CCDC91: variants seen among roughly 807,000 people sequenced by gnomAD.
CCDC91 encodes coiled-coil domain-containing protein 91.
Under a neutral mutation model 63.2 loss-of-function variants are expected in CCDC91, and 48 were observed. The observed-to-expected ratio is 0.76, with a 90% confidence interval of 0.60 to 0.97. The LOEUF is 0.97. CCDC91 is among the 50% of genes least tolerant of loss of function. The pLI, the probability that CCDC91 is intolerant of heterozygous loss-of-function variation, is 0.00. For missense variants in CCDC91, 500 were observed against 494.6 expected (o/e 1.01, Z -0.10); for synonymous variants, 167 against 165.8 (o/e 1.01, Z -0.06).
chr12:28,521,498 T>C (rs192180955), intron 12 of CCDC91, among the ~76,000 whole-genome samples: 2 of 152,316 alleles, frequency 1.3e-5, no homozygotes, highest in East Asian at 3.9e-4. Context: ...TTTCTAGATA[T>C]ACAATCATGT....
chr12:28,338,270 T>TC lies in CCDC91; in HGVS notation c.577-24167dup, dbSNP rs398019022. The stretch of plus-strand genomic sequence containing the variant: ...GGCCCTTATGGATCTTTTTTTTTTT[T>TC]CTTATGTACTTATCACAGACTTTCC... On this transcript the variant is annotated intron_variant, in intron 6 of 12. Coordinates refer to ENST00000536442, the MANE Select transcript of CCDC91 (RefSeq NM_018318.5). Among the ~76,000 whole-genome samples, 6 of 148,776 alleles carry TC rather than the reference T, an allele frequency of 4.0e-5. 1 individual carries two copies. In the South Asian group the frequency reaches 1.0e-3, roughly 26 times the overall value.
chr12:28,315,153 GTATATA>G (rs10630087), intron 6 of CCDC91, among the ~76,000 whole-genome samples: 25 of 147,996 alleles, frequency 1.7e-4, no homozygotes, highest in Non-Finnish European at 3.1e-4. Context: ...TGTGTCAGTT[GTATATA>G]TATATATATA....
chr12:28,527,464 G>T (rs1362528690), intron 12 of CCDC91, among the ~76,000 whole-genome samples: 1 of 152,248 alleles, frequency 6.6e-6, no homozygotes, highest in Non-Finnish European at 1.5e-5. Context: ...CCATCTTTGG[G>T]TCTCTCAGCC....
At chr12:28,212,992 T>A (rs73263429) in intron 1 of CCDC91, among the ~76,000 whole-genome samples, 8,478 of 152,240 alleles carry the variant, frequency 0.056, 684 homozygotes, top group African/African-American at 0.18. Context: ...GTGAGTTTAT[T>A]GATTGGGAAG....
chr12:28,432,134 T>C (rs1289392728), intron 8 of CCDC91, among the ~76,000 whole-genome samples: 2 of 152,116 alleles, frequency 1.3e-5, no homozygotes, highest in African/African-American at 2.4e-5. Flanking sequence ...TGTGCAGGTT[T>C]GTTACATAGG....
At chr12:28,335,680 ACAGGCAGGAGCCACCACACCTGTCCT>A (rs1328982812) in intron 6 of CCDC91, among the ~76,000 whole-genome samples, 2 of 151,948 alleles carry the variant, frequency 1.3e-5, no homozygotes, top group Non-Finnish European at 2.9e-5. Context: ...GTACTGGATT[ACAGGCAGGAGCCACCACACCTGTCCT>A]CAGGATTTTA....
At chr12:28,502,996 G>A (rs1023200223) in intron 12 of CCDC91, among the ~76,000 whole-genome samples, 6 of 151,962 alleles carry the variant, frequency 3.9e-5, no homozygotes, top group African/African-American at 9.7e-5. Context: ...GAAAACCTAG[G>A]CAATACCATT....
chr12:28,365,067 G>C (rs1193074083), intron 7 of CCDC91, among the ~76,000 whole-genome samples: 4 of 152,068 alleles, frequency 2.6e-5, no homozygotes, highest in African/African-American at 9.7e-5. Context: ...ACTATAAACT[G>C]ACTGTGAGCT....
At chr12:28,520,529 C>T (rs1030914765) in intron 12 of CCDC91, among the ~76,000 whole-genome samples, 1 of 152,132 alleles carries the variant, frequency 6.6e-6, no homozygotes, top group South Asian at 2.1e-4. Context: ...GTTGCCTGTT[C>T]ACTCTGATGG....
At chr12:28,201,033 G>A (rs562057642) in intron 1 of CCDC91, among the ~76,000 whole-genome samples, 4 of 140,192 alleles carry the variant, frequency 2.9e-5, no homozygotes, top group East Asian at 4.2e-4. Context: ...CGGATGGGGC[G>A]GCTGGCCGGG....
chr12:28,502,286 T>C (rs1256210947), intron 12 of CCDC91, among the ~76,000 whole-genome samples: 1 of 151,776 alleles, frequency 6.6e-6, no homozygotes, highest in Non-Finnish European at 1.5e-5. Flanking sequence ...TATACACCAA[T>C]AACAGACAAA....
chr12:28,322,288 G>T (rs1940582957), intron 6 of CCDC91, among the ~76,000 whole-genome samples: 1 of 151,858 alleles, frequency 6.6e-6, no homozygotes, highest in South Asian at 2.1e-4. Flanking sequence ...AGAATCTGAA[G>T]AAAAGCACCC....
rs545130568 is a variant in CCDC91 at position 28,240,925 on chromosome 12, T to C, written c.-14-16277T>C. ...GCCCTTATAGGAGGTATATATTTAA[T>C]TCTTAAAGAAACTGAACAACTGTTT... On this transcript the variant is annotated intron_variant, in intron 1 of 12. Coordinates refer to ENST00000536442, the MANE Select transcript of CCDC91 (RefSeq NM_018318.5). 2.0e-5 allele frequency among the ~76,000 whole-genome samples: 3 copies of C among 152,336 alleles called. No homozygotes were observed. The Middle Eastern group carries it at 0.01, about 518-fold the overall frequency.
intron 10 of CCDC91, among the ~76,000 whole-genome samples, chr12:28,450,770 C>T (rs1592710715): frequency 6.6e-6 from 1 of 151,840 alleles, no homozygotes; most frequent in South Asian, 2.1e-4. Context: ...TTTAAAATAA[C>T]TCATCTAAAT....
chr12:28,353,428 C>A (rs949311115), intron 6 of CCDC91, among the ~76,000 whole-genome samples: 22 of 152,118 alleles, frequency 1.4e-4, no homozygotes, highest in Non-Finnish European at 2.5e-4. Flanking sequence ...ACCTGAGAGC[C>A]CTTGGTTTTG....
chr12:28,273,222 C>T (rs1348272422), intron 3 of CCDC91, among the ~76,000 whole-genome samples: 1 of 152,152 alleles, frequency 6.6e-6, no homozygotes, highest in Admixed American at 6.5e-5. Context: ...GCCACATTTT[C>T]TTAATCCAGT....
At chr12:28,371,262 T>C (rs4931740) in intron 7 of CCDC91, among the ~76,000 whole-genome samples, 139,175 of 152,054 alleles carry the variant, frequency 0.92, 64,829 homozygotes, top group East Asian at 1. Flanking sequence ...ACTGCCTGAG[T>C]TCCACCACCT....
chr12:28,264,392 CTT>C (rs1947037583), intron 3 of CCDC91, among the ~76,000 whole-genome samples: 1 of 111,976 alleles, frequency 8.9e-6, no homozygotes, highest in Admixed American at 8.4e-5. Flanking sequence ...TAAGAAATCT[CTT>C]TTAAAAGAAA....
At chr12:28,427,664 C>A (rs1346509394) in intron 8 of CCDC91, among the ~76,000 whole-genome samples, 1 of 152,152 alleles carries the variant, frequency 6.6e-6, no homozygotes, top group Non-Finnish European at 1.5e-5. Context: ...GGCTATGATT[C>A]ACTAGATTTG....
Sources: allele counts gnomAD v4.1 joint callset (sites outside exome capture counted in the v4.1 genomes callset), GRCh38; gene constraint gnomAD v4.1.1; transcripts MANE v1.5; gene names NCBI Gene and HGNC (gene_info 2026-07-23, HGNC 2026-07-21).